EPS15L1: variants seen among roughly 807,000 people sequenced by gnomAD.
The protein encoded by EPS15L1 is epidermal growth factor receptor substrate 15-like 1.
A neutral mutation model predicts 117.1 loss-of-function variants in EPS15L1; 43 were observed. The observed-to-expected ratio is 0.37, with a 90% CI of 0.29 to 0.47. The LOEUF (loss-of-function observed/expected upper bound fraction) is 0.47. Among genes scored for constraint, EPS15L1 ranks in the 20% least tolerant of loss-of-function variants. EPS15L1 has a pLI of 0.99. For synonymous variants in EPS15L1, 459 were observed against 470.5 expected (o/e 0.98, Z 0.32); for missense variants, 981 against 1,164.0 (o/e 0.84, Z 2.29).
intron 19 of EPS15L1, among the ~76,000 whole-genome samples, chr19:16,390,059 C>T (rs2092460789): frequency 6.6e-6 from 1 of 151,954 alleles, no homozygotes; most frequent in African/African-American, 2.4e-5. Flanking sequence ...CTAAACATTA[C>T]ACTTACAAGG....
chr19:16,385,016 A>G, intron 21 of EPS15L1, 113 bp downstream of exon 21: 1 of 824,984 alleles, frequency 1.2e-6, no homozygotes, highest in Non-Finnish European at 2.0e-6. Context: ...TGTGTTGGAA[A>G]GGTGCCGGGG....
rs1411588412 is a variant in EPS15L1, at chr19:16,421,237, C to T, written c.950+82G>A. Reference sequence around the variant, plus strand: ...GCCTGTGACAGGCTGGAGGGGGCCCCCTGACCACCACCCTCCACAGTCTTC... The same window carrying T: ...GCCTGTGACAGGCTGGAGGGGGCCCTCTGACCACCACCCTCCACAGTCTTC... On this transcript the variant is annotated intron_variant, in intron 10 of 23. Transcript: ENST00000455140. 3.4e-6 allele frequency: 5 copies of T among 1,471,170 alleles called. No homozygotes were observed. The African/African-American group carries it at 4.2e-5, about 12-fold the overall frequency. The allele number at this position is 1,471,170 out of a possible 1,614,324, so 91.1% of individuals were successfully genotyped here.
intron 21 of EPS15L1, among the ~76,000 whole-genome samples, chr19:16,379,222 G>A (rs1001511619): frequency 5.3e-5 from 8 of 152,130 alleles, no homozygotes; most frequent in African/African-American, 1.9e-4. Flanking sequence ...GGAGAATGGC[G>A]TGAACCTGGG....
chr19:16,357,088 G>A (rs924351540), intron 23 of EPS15L1: 2 of 152,568 alleles, frequency 1.3e-5, no homozygotes, highest in African/African-American at 4.8e-5. Flanking sequence ...CCAGGCTCTC[G>A]AGGAGGGCCC....
chr19:16,367,633 G>T (rs919561993), intron 22 of EPS15L1, among the ~76,000 whole-genome samples: 3 of 151,602 alleles, frequency 2.0e-5, no homozygotes, highest in African/African-American at 7.3e-5. Flanking sequence ...GGGCTGTGAT[G>T]GGGCTGGCTC....
In EPS15L1 at chr19:16,392,343, G is replaced by C; in HGVS notation, c.2064C>G (p.Thr688=). 6.2e-7 allele frequency: 1 copy of C among 1,614,178 alleles called. No individual in the cohort carries two copies. The highest frequency in any genetic ancestry group is 2.2e-5 in the East Asian group (1 of 44,888). Residue 688 remains threonine (T), a synonymous_variant, in exon 19 of 24, where the codon ACC becomes ACG. Coordinates refer to ENST00000455140, the MANE Select transcript of EPS15L1 (RefSeq NM_001258374.3). Reference sequence around the variant, plus strand: ...AAGGGTTTTTCGTGAATGGATCCGAGGTAAATGGGTCATTCTTTGTCTGTT... The same window carrying C: ...AAGGGTTTTTCGTGAATGGATCCGACGTAAATGGGTCATTCTTTGTCTGTT... The part of the protein sequence containing the change: ...FKKQTKNDPF[T]SDPFTKNPSL...
intron 1 of EPS15L1, among the ~76,000 whole-genome samples, chr19:16,469,964 A>G (rs1373140570): frequency 6.6e-6 from 1 of 152,194 alleles, no homozygotes; most frequent in African/African-American, 2.4e-5. Flanking sequence ...GCCAACAGTA[A>G]CCCATGGTGT....
intron 10 of EPS15L1, among the ~76,000 whole-genome samples, chr19:16,419,366 C>T (rs963966355): frequency 1.3e-5 from 2 of 151,884 alleles, no homozygotes; most frequent in African/African-American, 4.8e-5. Context: ...GGCTGAGGCA[C>T]GAGAATCACT....
chr19:16,401,449 G>C (rs1236578075), intron 16 of EPS15L1: 2 of 985,646 alleles, frequency 2.0e-6, no homozygotes, highest in East Asian at 2.3e-4. Flanking sequence ...GGGCTCCAGG[G>C]AGGAGCCCTG....
chr19:16,450,085 CAA>C (rs375434776), intron 1 of EPS15L1, among the ~76,000 whole-genome samples: 1 of 123,188 alleles, frequency 8.1e-6, no homozygotes, highest in African/African-American at 3.0e-5. Flanking sequence ...CCTATCTCTA[CAA>C]AAAAAAAAAA....
chr19:16,460,737 T>C (rs2093240616), intron 1 of EPS15L1, among the ~76,000 whole-genome samples: 1 of 151,934 alleles, frequency 6.6e-6, no homozygotes, highest in Non-Finnish European at 1.5e-5. Flanking sequence ...AAGAAAAAAC[T>C]CAAAGGGAAG....
chr19:16,470,184 C>T (rs901947581), intron 1 of EPS15L1, among the ~76,000 whole-genome samples: 3 of 151,890 alleles, frequency 2.0e-5, no homozygotes, highest in Non-Finnish European at 2.9e-5. Flanking sequence ...GAGTTTGACA[C>T]GAGCCTCGCC....
rs372459946 is a variant in EPS15L1 at position 16,361,851 on chromosome 19, T to C, written c.2514A>G (p.Lys838=). The part of the protein sequence containing the change: ...KKGFGDPFSG[K]DPFVPSSAAK... ...CTGCAGAGGAGGGGACAAATGGGTCTTTTCCACTAAACGGGTCCCCAAACC... is the reference window on the plus strand; with the variant it reads ...CTGCAGAGGAGGGGACAAATGGGTCCTTTCCACTAAACGGGTCCCCAAACC... Residue 838 remains lysine, a synonymous_variant, in exon 23 of 24, where the codon AAA becomes AAG. Coordinates refer to ENST00000455140, the MANE Select transcript of EPS15L1 (RefSeq NM_001258374.3). 6.2e-7 allele frequency: 1 copy of C among 1,614,058 alleles called. No homozygotes were observed. The highest frequency in any genetic ancestry group is 8.5e-7 in the Non-Finnish European group (1 of 1,179,974).
chr19:16,464,937 G>A (rs2093288859), intron 1 of EPS15L1, among the ~76,000 whole-genome samples: 1 of 152,138 alleles, frequency 6.6e-6, no homozygotes, highest in Non-Finnish European at 1.5e-5. Context: ...AAATTAGCCA[G>A]GTGTGGTGGC....
In EPS15L1 at chr19:16,465,549, G is replaced by A. The variant is rs548163472; in HGVS notation, c.33+6364C>T. Among the ~76,000 whole-genome samples, 13 of 152,248 alleles carry A rather than the reference G, an allele frequency of 8.5e-5. No individual in the cohort carries two copies. In the South Asian group the frequency reaches 2.7e-3, roughly 32 times the overall value. Reference sequence around the variant, plus strand: ...AAATTAAAAATTAGCCAGGTGTGGTGTTGCATGCCTGTAGTCTCAGTTCCT... The same window carrying A: ...AAATTAAAAATTAGCCAGGTGTGGTATTGCATGCCTGTAGTCTCAGTTCCT... On this transcript the variant is annotated intron_variant, in intron 1 of 23. Transcript: ENST00000455140.
intron 16 of EPS15L1, chr19:16,401,005 C>T (rs908629744): frequency 1.8e-5 from 18 of 985,230 alleles, no homozygotes; most frequent in Admixed American, 6.2e-5. Flanking sequence ...GGTTGTGAGA[C>T]GGAAACACAC....
chr19:16,440,666 C>G (rs928751304), intron 4 of EPS15L1, 196 bp downstream of exon 4: 3 of 457,990 alleles, frequency 6.6e-6, no homozygotes, highest in African/African-American at 6.0e-5. Context: ...ATAAAAGATA[C>G]ACTAGCCATG....
chr19:16,393,947 T>C lies in EPS15L1; in HGVS notation c.1966+4A>G, dbSNP rs770090625. 3.1e-6 allele frequency: 5 copies of C among 1,613,888 alleles called. No individual in the cohort carries two copies. Among genetic ancestry groups the C allele is most frequent in the South Asian group, 1.1e-5 (1 of 91,080 alleles). ...AGACCGGTCCGGGAAACACTGAATT[T>C]TACCTGTTGAAGTTGTCTGCTGTTC... is the stretch of plus-strand genomic sequence containing the variant. On this transcript the variant is annotated splice_donor_region_variant and intron_variant, in intron 18 of 23. Transcript: ENST00000455140.
chr19:16,425,507 T>C (rs1293777146), intron 8 of EPS15L1, among the ~76,000 whole-genome samples, 191 bp from the exon 9 acceptor site: 1 of 152,220 alleles, frequency 6.6e-6, no homozygotes, highest in Non-Finnish European at 1.5e-5. Flanking sequence ...AGACATGTGT[T>C]GAATTATTCC....
Sources: allele counts gnomAD v4.1 joint callset (sites outside exome capture counted in the v4.1 genomes callset), GRCh38; gene constraint gnomAD v4.1.1; transcripts MANE v1.5; gene names NCBI Gene and HGNC (gene_info 2026-07-23, HGNC 2026-07-21).